The following GLCCI1 variants were observed in gnomAD, a reference collection of about 807,000 sequenced individuals.
GLCCI1 encodes the protein glucocorticoid induced 1.
In GLCCI1, 24 loss-of-function variants were observed where a neutral mutation model predicts 52.2. That is an observed-to-expected ratio of 0.46 (90% CI 0.33 to 0.65). The LOEUF is 0.65. GLCCI1 is among the 30% of genes least tolerant of loss of function. The pLI is 0.02. For missense variants in GLCCI1, 704 were observed against 701.5 expected, an observed-to-expected ratio of 1.00 and a Z score of -0.04; for synonymous variants, 310 against 276.5, an observed-to-expected ratio of 1.12 and a Z score of -1.20.
rs903019676 is a variant in GLCCI1 at position 8,088,358 on chromosome 7, C to T, written c.*1820C>T. The T allele has an allele frequency of 5.3e-5, 8 of 152,268 alleles. No individual in the cohort carries two copies. Among genetic ancestry groups the T allele is most frequent in the African/African-American group, 1.9e-4 (8 of 41,322 alleles). 9.4% of individuals were successfully genotyped at this position (152,268 alleles called of 1,614,324 possible). A position where few individuals can be genotyped will look rare whatever the true frequency, so the allele number is the denominator to read the frequency against. On this transcript the variant is annotated 3_prime_UTR_variant, in exon 8 of 8. Coordinates refer to ENST00000223145, the MANE Select transcript of GLCCI1 (RefSeq NM_138426.4). ...ATTTTCTCCTGAAGGTGCATTCTGG[C>T]TCCTTTAAATTAGTCAGTGTTATAT...
At chr7:7,980,773 G>T (rs752897052) in intron 1 of GLCCI1, 2 of 694,560 alleles carry the variant, frequency 2.9e-6, no homozygotes, top group Non-Finnish European at 5.3e-6. Context: ...ACAGTATTTG[G>T]TGAGGTGACA....
intron 5 of GLCCI1, among the ~76,000 whole-genome samples, chr7:8,066,016 G>C (rs1782623573): frequency 6.6e-6 from 1 of 152,126 alleles, no homozygotes; most frequent in Non-Finnish European, 1.5e-5. Context: ...TTTGGCTGTG[G>C]ATCCATGTGG....
At chr7:8,079,105 C>CT (rs548950794) in intron 6 of GLCCI1, among the ~76,000 whole-genome samples, 39 of 152,070 alleles carry the variant, frequency 2.6e-4, no homozygotes, top group African/African-American at 9.4e-4. Flanking sequence ...TTCCAATGTT[C>CT]TTTTTTCCCT....
At chr7:8,045,497 G>T (rs1221361254) in intron 3 of GLCCI1, among the ~76,000 whole-genome samples, 1 of 152,180 alleles carries the variant, frequency 6.6e-6, no homozygotes, top group Admixed American at 6.5e-5. Context: ...ACGGGAAAGA[G>T]AACCAAAAGT....
At chr7:8,051,332 A>G (rs1490392272) in intron 3 of GLCCI1, among the ~76,000 whole-genome samples, 1 of 152,206 alleles carries the variant, frequency 6.6e-6, no homozygotes, top group Non-Finnish European at 1.5e-5. Flanking sequence ...CAGGAAGCAT[A>G]GCTCCCCAGC....
chr7:7,997,276 G>A (rs1220446538), intron 1 of GLCCI1, among the ~76,000 whole-genome samples: 1 of 151,860 alleles, frequency 6.6e-6, no homozygotes, highest in Non-Finnish European at 1.5e-5. Flanking sequence ...CTTAATGTTA[G>A]TAGTGATAAT....
At chr7:8,007,300 T>C (rs1781171896) in intron 2 of GLCCI1, among the ~76,000 whole-genome samples, 1 of 152,238 alleles carries the variant, frequency 6.6e-6, no homozygotes, top group African/African-American at 2.4e-5. Context: ...CATTAATATG[T>C]ACTACATACA....
chr7:8,025,463 A>C (rs1424435108), intron 3 of GLCCI1, among the ~76,000 whole-genome samples: 1 of 152,244 alleles, frequency 6.6e-6, no homozygotes, highest in Non-Finnish European at 1.5e-5. Flanking sequence ...TGGGTTTGAC[A>C]ACAGATTTGC....
At chr7:8,041,063 C>T (rs1172854419) in intron 3 of GLCCI1, among the ~76,000 whole-genome samples, 1 of 152,088 alleles carries the variant, frequency 6.6e-6, no homozygotes, top group Non-Finnish European at 1.5e-5. Flanking sequence ...GTCTCTTGCA[C>T]CCAAATAACC....
At chr7:8,027,815 T>C (rs1322470011) in intron 3 of GLCCI1, among the ~76,000 whole-genome samples, 1 of 151,664 alleles carries the variant, frequency 6.6e-6, no homozygotes, top group Non-Finnish European at 1.5e-5. Flanking sequence ...AGAGCAGGAG[T>C]TGCTATGCTT....
intron 1 of GLCCI1, among the ~76,000 whole-genome samples, chr7:7,987,778 T>TC (rs1270196674): frequency 2.0e-5 from 3 of 152,098 alleles, no homozygotes; most frequent in African/African-American, 7.2e-5. Flanking sequence ...TTTTATTTTT[T>TC]TTAGAAATGG....
chr7:8,008,061 G>A (rs1055755297), intron 2 of GLCCI1, among the ~76,000 whole-genome samples: 8 of 151,672 alleles, frequency 5.3e-5, no homozygotes, highest in African/African-American at 1.2e-4. Flanking sequence ...TAACATATGC[G>A]TTACCTCATT....
At chr7:8,061,290 C>G (rs1024599072) in intron 5 of GLCCI1, among the ~76,000 whole-genome samples, 1 of 151,882 alleles carries the variant, frequency 6.6e-6, no homozygotes. Context: ...TTAGTAGAGA[C>G]GGGGTTTTGC....
At chr7:7,993,134 A>G (rs36028057) in intron 1 of GLCCI1, among the ~76,000 whole-genome samples, 3,432 of 152,202 alleles carry the variant, frequency 0.023, 64 homozygotes, top group East Asian at 0.092. Context: ...TTCCCTTACA[A>G]TAACTTTAGG....
At chr7:8,083,661 A>G (rs1015466896) in intron 6 of GLCCI1, among the ~76,000 whole-genome samples, 1 of 79,472 alleles carries the variant, frequency 1.3e-5, no homozygotes, top group African/African-American at 3.5e-5. Context: ...ATACATAATA[A>G]TGATAGAGAA....
At chr7:8,011,753 C>T (rs775880617) in intron 2 of GLCCI1, among the ~76,000 whole-genome samples, 1 of 152,000 alleles carries the variant, frequency 6.6e-6, no homozygotes, top group Non-Finnish European at 1.5e-5. Flanking sequence ...GTATTTTATA[C>T]TCACATTAGC....
chr7:8,022,281 A>T (rs1781512504), intron 2 of GLCCI1, among the ~76,000 whole-genome samples: 1 of 152,156 alleles, frequency 6.6e-6, no homozygotes, highest in Non-Finnish European at 1.5e-5. Context: ...GGTGACTCAG[A>T]GACATCTTTG....
chr7:7,969,733 C>T lies in GLCCI1; in HGVS notation c.383C>T (p.Pro128Leu), dbSNP rs761465295. ...CAGGCGCCGCGGGCCAAGGGCCGCC[C>T]GAGACGGTCCCCAGAGAGCCACCGG... ...AEQAPRAKGR[P>L]RRSPESHRRS... The change falls in exon 1 of 8, where the codon CCG becomes CTG. Residue 128 changes from proline (P) to leucine (L), a missense_variant. This residue lies in a region of GLCCI1 where 547 missense variants were observed against 524.8 expected (regional missense o/e 1.04). Coordinates refer to ENST00000223145, the MANE Select transcript of GLCCI1 (RefSeq NM_138426.4). This position sits in a 1 kb window ranked among gnomAD's most constrained non-coding sequence, Gnocchi z 4.9. 4.8e-6 allele frequency: 7 copies of T among 1,446,146 alleles called. No homozygotes were observed. Among genetic ancestry groups the T allele is most frequent in the South Asian group, 2.5e-5 (2 of 78,616 alleles). The allele number at this position is 1,446,146 out of a possible 1,614,324, so 89.6% of individuals were successfully genotyped here. A position where few individuals can be genotyped will look rare whatever the true frequency, so the allele number is the denominator to read the frequency against.
Position 8,022,572 on chromosome 7 carries a change from A to G in GLCCI1, c.696+3A>G, listed in dbSNP as rs1261691741. 8 of 1,550,268 alleles carry G rather than the reference A, an allele frequency of 5.2e-6. No individual in the cohort carries two copies. The highest frequency in any genetic ancestry group is 2.4e-5 in the East Asian group (1 of 41,694). ...GGAGTGCTGATCAACTAAAAGAGGT[A>G]AGTTATTTCTGTTTTCCGTCTGTAA... On this transcript the variant is annotated splice_donor_region_variant and intron_variant, in intron 3 of 7. Transcript: ENST00000223145.
Sources: allele counts gnomAD v4.1 joint callset (sites outside exome capture counted in the v4.1 genomes callset), GRCh38; gene constraint gnomAD v4.1.1; regional missense constraint gnomAD v4.1.1; non-coding constraint Gnocchi (gnomAD v3.1); transcripts MANE v1.5; gene names NCBI Gene and HGNC (gene_info 2026-07-23, HGNC 2026-07-21).